The following NRTN variants were observed in gnomAD, a reference collection of about 807,000 sequenced individuals.
The protein encoded by NRTN is neurturin.
A neutral mutation model predicts 7.5 loss-of-function variants in NRTN; 3 were observed. That is an observed-to-expected ratio of 0.40 (90% CI 0.18 to 1.03). The LOEUF is 1.03. Ranked by LOEUF, NRTN falls within the 50% of genes least tolerant of loss-of-function variation. NRTN has a pLI of 0.34. For synonymous variants in NRTN, 157 were observed against 146.6 expected, an observed-to-expected ratio of 1.07 and a Z score of -0.51; for missense variants, 310 against 307.0, an observed-to-expected ratio of 1.01 and a Z score of -0.07.
In NRTN at chr19:5,806,571, C is replaced by T. The variant is rs1454376909; in HGVS notation, c.-399+1120C>T. ...TCAGTGAGGGGCAGGATCCCACCCA[C>T]ACTGCCAGCTTCTCCCACCCCCAGC... On this transcript the variant is annotated intron_variant, in intron 1 of 2. Coordinates refer to ENST00000303212, the MANE Select transcript of NRTN (RefSeq NM_004558.5). This position sits in a 1 kb window ranked among gnomAD's most constrained non-coding sequence, Gnocchi z 5.4. 6.6e-6 allele frequency among the ~76,000 whole-genome samples: 1 copy of T among 152,132 alleles called. No individual in the cohort carries two copies. The highest frequency in any genetic ancestry group is 1.5e-5 in the Non-Finnish European group (1 of 68,022).
intron 1 of NRTN, among the ~76,000 whole-genome samples, chr19:5,821,612 C>G (rs1460771132): frequency 1.1e-5 from 1 of 87,042 alleles, no homozygotes; most frequent in African/African-American, 4.3e-5. Context: ...GTCAGCCTAG[C>G]TTCTTTGTGT....
At position 5,810,986 on chromosome 19, in the gene NRTN, C is replaced by T. The variant is rs151223632; in HGVS notation, c.-399+5535C>T. The stretch of plus-strand genomic sequence containing the variant: ...GGCACGGTTGTCACACCTGTAATCC[C>T]AGCTCTTTGGGAGTCTGAGGCAGGA... On this transcript the variant is annotated intron_variant, in intron 1 of 2. Coordinates refer to ENST00000303212, the MANE Select transcript of NRTN (RefSeq NM_004558.5). 2.2e-3 allele frequency among the ~76,000 whole-genome samples: 340 copies of T among 151,854 alleles called. 1 individual carries two copies. Among genetic ancestry groups the T allele is most frequent in the African/African-American group, 7.9e-3 (327 of 41,394 alleles).
chr19:5,820,481 G>A lies in NRTN; in HGVS notation c.-398-3287G>A, dbSNP rs375594235. On this transcript the variant is annotated intron_variant, in intron 1 of 2. Coordinates refer to ENST00000303212, the MANE Select transcript of NRTN (RefSeq NM_004558.5). The stretch of plus-strand genomic sequence containing the variant: ...CTCTGGAGGCTGAGGCAGGAGAATC[G>A]CTTGAACCCAGGAGGCGGAGGTTGC... 4.5e-3 allele frequency among the ~76,000 whole-genome samples: 681 copies of A among 150,470 alleles called. 7 individuals carry two copies. Among genetic ancestry groups the A allele is most frequent in the African/African-American group, 0.016 (643 of 40,868 alleles).
intron 1 of NRTN, among the ~76,000 whole-genome samples, chr19:5,814,731 C>T (rs2056999918): frequency 6.6e-6 from 1 of 152,218 alleles, no homozygotes; most frequent in East Asian, 1.9e-4. Context: ...CTGCTCTTTG[C>T]CTCTCTCTGA....
intron 1 of NRTN, among the ~76,000 whole-genome samples, chr19:5,805,874 C>T (rs1599632460): frequency 6.6e-6 from 1 of 151,904 alleles, no homozygotes; most frequent in African/African-American, 2.4e-5. Context: ...AGAGCCCGGG[C>T]GGGGGGCTGC....
chr19:5,813,732 C>T (rs983760872), intron 1 of NRTN, among the ~76,000 whole-genome samples: 3 of 149,192 alleles, frequency 2.0e-5, no homozygotes, highest in Non-Finnish European at 3.0e-5. Flanking sequence ...CCCAGTTACT[C>T]GGGAGGCTGA....
intron 2 of NRTN, among the ~76,000 whole-genome samples, chr19:5,827,085 A>T (rs1348830535): frequency 1.3e-5 from 2 of 152,108 alleles, no homozygotes; most frequent in African/African-American, 4.8e-5. Flanking sequence ...CATTCTGAGA[A>T]ACCCAAACAC....
At chr19:5,810,722 A>C (rs2056987711) in intron 1 of NRTN, among the ~76,000 whole-genome samples, 1 of 150,360 alleles carries the variant, frequency 6.7e-6, no homozygotes, top group South Asian at 2.1e-4. Context: ...TCACGAGGTC[A>C]GATCAAGACC....
chr19:5,828,068 C>T lies in NRTN; in HGVS notation c.489C>T (p.Pro163=). ...GGCGGGAGCGGGTGCGCGCGCAGCC[C>T]TGCTGCCGCCCGACGGCCTACGAGG... ...RLRRERVRAQ[P]CCRPTAYEDE... The change falls in exon 3 of 3, where the codon CCC becomes CCT. Residue 163 remains proline (P), a synonymous_variant. Coordinates refer to ENST00000303212, the MANE Select transcript of NRTN (RefSeq NM_004558.5). The T allele has an allele frequency of 6.8e-7, 1 of 1,473,904 alleles. No individual in the cohort carries two copies. Among genetic ancestry groups the T allele is most frequent in the Non-Finnish European group, 8.9e-7 (1 of 1,119,066 alleles). 91.3% of individuals were successfully genotyped at this position (1,473,904 alleles called of 1,614,324 possible). A position where few individuals can be genotyped will look rare whatever the true frequency, so the allele number is the denominator to read the frequency against.
In NRTN at chr19:5,827,951, G is replaced by C. The variant is rs777342951; in HGVS notation, c.372G>C (p.Thr124=). ...GCCTGGGCTACGCGTCCGACGAGACGGTGCTGTTCCGCTACTGCGCAGGCG... is the reference window on the plus strand; with the variant it reads ...GCCTGGGCTACGCGTCCGACGAGACCGTGCTGTTCCGCTACTGCGCAGGCG... ...ELGLGYASDE[T]VLFRYCAGAC... is the part of the protein sequence containing the mutation. Residue 124 remains threonine (T), a synonymous_variant, in exon 3 of 3, where the codon ACG becomes ACC. Coordinates refer to ENST00000303212, the MANE Select transcript of NRTN (RefSeq NM_004558.5). 6.7e-7 allele frequency: 1 copy of C among 1,484,398 alleles called. No homozygotes were observed. The highest frequency in any genetic ancestry group is 2.1e-5 in the Admixed American group (1 of 46,536). 92.0% of individuals were successfully genotyped at this position (1,484,398 alleles called of 1,614,324 possible).
intron 1 of NRTN, among the ~76,000 whole-genome samples, chr19:5,811,707 TTTG>T (rs202128143): frequency 0.073 from 10,501 of 143,950 alleles, 483 homozygotes; most frequent in African/African-American, 0.13. Context: ...TAATTTGTTT[TTTG>T]TTTTTTTTTT....
At chr19:5,815,899 C>T (rs961943472) in intron 1 of NRTN, among the ~76,000 whole-genome samples, 3 of 151,662 alleles carry the variant, frequency 2.0e-5, no homozygotes, top group East Asian at 1.9e-4. Context: ...TGCCTGTCAC[C>T]GTGCCTGGCT....
intron 1 of NRTN, among the ~76,000 whole-genome samples, chr19:5,813,736 A>G (rs2056997340): frequency 6.6e-6 from 1 of 150,966 alleles, no homozygotes. Context: ...GTTACTCGGG[A>G]GGCTGAGACA....
In NRTN at chr19:5,828,196, G is replaced by A; in HGVS notation, c.*23G>A. 1.3e-6 allele frequency: 2 copies of A among 1,528,284 alleles called. No individual in the cohort carries two copies. The highest frequency in any genetic ancestry group is 1.7e-6 in the Non-Finnish European group (2 of 1,143,422). The allele number at this position is 1,528,284 out of a possible 1,614,324, so 94.7% of individuals were successfully genotyped here. On this transcript the variant is annotated 3_prime_UTR_variant, in exon 3 of 3. Coordinates refer to ENST00000303212, the MANE Select transcript of NRTN (RefSeq NM_004558.5). ...TGACCCTACCTCACTCGGCCGGCGC[G>A]GCGGCCACTCCCCCCGCCTCGACGG...
intron 1 of NRTN, among the ~76,000 whole-genome samples, chr19:5,814,073 G>C (rs781282714): frequency 5.9e-4 from 89 of 152,118 alleles, no homozygotes; most frequent in Non-Finnish European, 9.7e-4. Context: ...GGAGAGGAAG[G>C]AGAAGTGTAT....
chr19:5,820,738 GAA>G (rs869276836), intron 1 of NRTN, among the ~76,000 whole-genome samples: 253 of 39,046 alleles, frequency 6.5e-3, no homozygotes, highest in Non-Finnish European at 8.8e-3. Context: ...TCTGTCTCAA[GAA>G]AAAAAAAAAA....
At chr19:5,817,394 T>G (rs1215121982) in intron 1 of NRTN, among the ~76,000 whole-genome samples, 64 of 100,288 alleles carry the variant, frequency 6.4e-4, no homozygotes, top group Middle Eastern at 6.7e-3. Context: ...AGGAAAGGAG[T>G]GAGGGAGGGA....
chr19:5,811,721 T>G (rs946100539), intron 1 of NRTN, among the ~76,000 whole-genome samples: 5 of 150,950 alleles, frequency 3.3e-5, no homozygotes, highest in African/African-American at 1.2e-4. Context: ...TTTTTTTTTT[T>G]TGTATTTTCA....
intron 1 of NRTN, among the ~76,000 whole-genome samples, chr19:5,815,427 ATTTTTTTT>A (rs754233565): frequency 2.8e-4 from 34 of 120,080 alleles, no homozygotes; most frequent in African/African-American, 9.7e-4. Flanking sequence ...TGTGAGTGTG[ATTTTTTTT>A]TTTTTTTTTT....
Sources: gnomAD v4.1 joint callset for allele counts (sites outside exome capture counted in the v4.1 genomes callset) on GRCh38, gnomAD v4.1.1 for gene constraint, Gnocchi (gnomAD v3.1) non-coding constraint, MANE v1.5 for transcripts, NCBI Gene and HGNC (gene_info 2026-07-23, HGNC 2026-07-21) for gene names.